The following ZBTB16 variants were observed in gnomAD, a reference collection of about 807,000 sequenced individuals.
ZBTB16 encodes the protein zinc finger and BTB domain-containing protein 16.
Under a neutral mutation model 56.8 loss-of-function variants are expected in ZBTB16, and 8 were observed. The observed-to-expected ratio is 0.14, with a 90% confidence interval of 0.08 to 0.25. ZBTB16 has a LOEUF of 0.25. ZBTB16 is among the 10% of genes least tolerant of loss of function. The pLI, the probability that ZBTB16 is intolerant of heterozygous loss-of-function variation, is 1.00. For synonymous variants in ZBTB16, 363 were observed against 368.5 expected (o/e 0.98, Z 0.17); for missense variants, 625 against 903.0 (o/e 0.69, Z 3.95).
intron 3 of ZBTB16, among the ~76,000 whole-genome samples, chr11:114,176,997 T>C (rs1460682852): frequency 2.0e-5 from 3 of 152,172 alleles, no homozygotes; most frequent in Non-Finnish European, 2.9e-5. Flanking sequence ...CGATTGGGCT[T>C]CTCCCAGAGC....
chr11:114,135,294 G>T (rs995503641), intron 2 of ZBTB16, among the ~76,000 whole-genome samples: 1 of 152,194 alleles, frequency 6.6e-6, no homozygotes, highest in Admixed American at 6.5e-5. Flanking sequence ...ATTTGTGAGT[G>T]TGGTAGACAA....
At position 114,074,700 on chromosome 11, in the gene ZBTB16, C is replaced by T. The variant is rs144893334; in HGVS notation, c.1268+10132C>T. ...GCCAGTGACAAGTAGCCCTGTCAGC[C>T]GGAGCTCGCCGTGCGAGGAAGTTCC... is the stretch of plus-strand genomic sequence containing the variant. On this transcript the variant is annotated intron_variant, in intron 2 of 6. Transcript: ENST00000335953. Among the ~76,000 whole-genome samples the T allele has an allele frequency of 1.5e-3, 221 of 152,328 alleles. 1 individual carries two copies. The highest frequency in any genetic ancestry group is 5.0e-3 in the African/African-American group (208 of 41,576).
intron 2 of ZBTB16, among the ~76,000 whole-genome samples, chr11:114,073,651 A>T (rs565448789): frequency 6.6e-6 from 1 of 152,288 alleles, no homozygotes; most frequent in African/African-American, 2.4e-5. Flanking sequence ...GTGTGAACAG[A>T]TTGTGTTCAG....
chr11:114,074,377 A>T (rs1042256292), intron 2 of ZBTB16, among the ~76,000 whole-genome samples: 7 of 152,214 alleles, frequency 4.6e-5, no homozygotes, highest in African/African-American at 1.7e-4. Context: ...GGCAACCATT[A>T]TTAGTGTTAA....
intron 2 of ZBTB16, among the ~76,000 whole-genome samples, chr11:114,111,181 G>GTGTGTGTGCA (rs1555137313): frequency 5.3e-5 from 8 of 151,828 alleles, no homozygotes; most frequent in Admixed American, 3.9e-4. Context: ...GTGTGTGTGT[G>GTGTGTGTGCA]CACGCGCGAG....
chr11:114,137,269 C>T (rs7925183), intron 2 of ZBTB16, among the ~76,000 whole-genome samples: 6 of 151,982 alleles, frequency 3.9e-5, no homozygotes, highest in Non-Finnish European at 7.4e-5. Flanking sequence ...ACTTCATTGT[C>T]GTGATTAAGG....
chr11:114,195,811 C>T (rs1258315586), intron 4 of ZBTB16, among the ~76,000 whole-genome samples: 3 of 152,140 alleles, frequency 2.0e-5, no homozygotes, highest in Non-Finnish European at 2.9e-5. Context: ...ACATGGATTT[C>T]CCCCACTGGA....
intron 2 of ZBTB16, among the ~76,000 whole-genome samples, chr11:114,086,488 T>G (rs1939961885): frequency 6.6e-6 from 1 of 152,156 alleles, no homozygotes; most frequent in Admixed American, 6.5e-5. Context: ...TGAGTTTAAG[T>G]TTTATCCCCC....
At chr11:114,076,953 G>T (rs1007862996) in intron 2 of ZBTB16, among the ~76,000 whole-genome samples, 6 of 152,060 alleles carry the variant, frequency 3.9e-5, no homozygotes, top group African/African-American at 1.5e-4. Context: ...ATATTCCCCA[G>T]CAGCCAGATT....
At chr11:114,196,387 A>G (rs1015112250) in intron 4 of ZBTB16, among the ~76,000 whole-genome samples, 2 of 152,206 alleles carry the variant, frequency 1.3e-5, no homozygotes, top group South Asian at 2.1e-4. Flanking sequence ...CCTTTTCGCC[A>G]GTAAGAAAAA....
intron 4 of ZBTB16, among the ~76,000 whole-genome samples, chr11:114,205,097 T>A (rs1183129): frequency 0.084 from 12,783 of 152,010 alleles, 653 homozygotes; most frequent in African/African-American, 0.14. Context: ...CAACCAGGCA[T>A]TAGGAAAAAG....
At chr11:114,164,136 G>T (rs1942676777) in intron 3 of ZBTB16, among the ~76,000 whole-genome samples, 1 of 152,218 alleles carries the variant, frequency 6.6e-6, no homozygotes, top group Non-Finnish European at 1.5e-5. Flanking sequence ...TGTGCTCTCT[G>T]AACAGAACAC....
In ZBTB16 at chr11:114,252,490, C is replaced by G. The variant is rs1463419573; in HGVS notation, c.*1935C>G. ...TTGTTCTTTTGTTCCTTTCCCGCCT[C>G]CCATTCTGCTGCTCTTCCTCCCTCT... On this transcript the variant is annotated 3_prime_UTR_variant, in exon 7 of 7. Coordinates refer to ENST00000335953, the MANE Select transcript of ZBTB16 (RefSeq NM_006006.6). 6.6e-6 allele frequency among the ~76,000 whole-genome samples: 1 copy of G among 152,124 alleles called. No homozygotes were observed. The highest frequency in any genetic ancestry group is 1.9e-4 in the East Asian group (1 of 5,180).
chr11:114,141,080 G>A (rs1032695415), intron 2 of ZBTB16, among the ~76,000 whole-genome samples: 3 of 152,232 alleles, frequency 2.0e-5, no homozygotes, highest in East Asian at 1.9e-4. Flanking sequence ...GCTCCTCGCC[G>A]CTGTCTTCAC....
At chr11:114,182,997 AT>A (rs1372016723) in intron 3 of ZBTB16, among the ~76,000 whole-genome samples, 4 of 152,148 alleles carry the variant, frequency 2.6e-5, no homozygotes, top group African/African-American at 9.7e-5. Context: ...TACAGAGACC[AT>A]TTAAAGGCAC....
At chr11:114,202,843 C>G (rs554784398) in intron 4 of ZBTB16, among the ~76,000 whole-genome samples, 1 of 152,110 alleles carries the variant, frequency 6.6e-6, no homozygotes, top group Non-Finnish European at 1.5e-5. Context: ...ATTTGGAACC[C>G]AAGTAGTTGG....
At chr11:114,187,265 G>T in intron 4 of ZBTB16, 1 of 634,244 alleles carries the variant, frequency 1.6e-6, no homozygotes, top group Non-Finnish European at 2.9e-6. Context: ...GGCTGTCCTA[G>T]ATTAGGCCAA....
intron 4 of ZBTB16, among the ~76,000 whole-genome samples, chr11:114,235,734 CTTTT>C (rs1944571608): frequency 2.6e-5 from 3 of 113,218 alleles, no homozygotes; most frequent in South Asian, 2.7e-4. Flanking sequence ...TTCTTTCTTT[CTTTT>C]CTTTTCTTTC....
At chr11:114,237,553 G>A (rs938163344) in intron 4 of ZBTB16, among the ~76,000 whole-genome samples, 1 of 152,174 alleles carries the variant, frequency 6.6e-6, no homozygotes, top group African/African-American at 2.4e-5. Context: ...CTGCCCCGCC[G>A]CACATCTCAC....
Sources: allele counts gnomAD v4.1 joint callset (sites outside exome capture counted in the v4.1 genomes callset), GRCh38; gene constraint gnomAD v4.1.1; transcripts MANE v1.5; gene names NCBI Gene and HGNC (gene_info 2026-07-23, HGNC 2026-07-21).